The following ETFDH variants were observed in gnomAD, a reference collection of about 807,000 sequenced individuals.
ETFDH encodes electron transfer flavoprotein-ubiquinone oxidoreductase, mitochondrial.
ETFDH carries 61 observed loss-of-function variants against 73.2 expected under a neutral mutation model. The ratio of observed to expected loss-of-function variants is 0.83; its 90% CI spans 0.68 to 1.03. The LOEUF (loss-of-function observed/expected upper bound fraction) is 1.03, where lower values mean the gene tolerates loss of function less well. Among genes scored for constraint, ETFDH ranks in the 50% least tolerant of loss-of-function variants. The probability of loss-of-function intolerance (pLI) is 0.00; values close to 1 mark genes in which losing one functional copy is unlikely to be tolerated. For synonymous variants in ETFDH, 243 were observed against 253.3 expected, an observed-to-expected ratio of 0.96 and a Z score of 0.39; for missense variants, 685 against 745.0, an observed-to-expected ratio of 0.92 and a Z score of 0.94.
At chr4:158,683,270 T>C (rs1773910545) in intron 3 of ETFDH, among the ~76,000 whole-genome samples, 1 of 152,200 alleles carries the variant, frequency 6.6e-6, no homozygotes, top group Non-Finnish European at 1.5e-5. Flanking sequence ...AATTTTTTCT[T>C]CTCTAAGATG....
chr4:158,687,106 C>T (rs953076527), intron 5 of ETFDH, among the ~76,000 whole-genome samples: 4 of 152,114 alleles, frequency 2.6e-5, no homozygotes, highest in African/African-American at 7.2e-5. Context: ...CTTGAGCCTG[C>T]AGAGGAAACA....
chr4:158,680,213 G>A (rs1335107652), intron 1 of ETFDH: 6 of 382,448 alleles, frequency 1.6e-5, no homozygotes, highest in Admixed American at 7.6e-5. Context: ...TACTCTCAAA[G>A]TGTTCAGCTT....
In ETFDH at chr4:158,682,357, C is replaced by T. The variant is rs1303346020; in HGVS notation, c.338C>T (p.Thr113Ile). Reference protein sequence around the residue: ...VEKAAQIGAHTLSGACLDPGA... With the variant: ...VEKAAQIGAHILSGACLDPGA... ...AAAGCTGCCCAGATAGGAGCTCATACTCTCTCAGGGGCTTGCCTTGATCCA... is the reference window on the plus strand; with the variant it reads ...AAAGCTGCCCAGATAGGAGCTCATATTCTCTCAGGGGCTTGCCTTGATCCA... Residue 113 changes from threonine to isoleucine, a missense_variant, in exon 3 of 13, where the codon ACT becomes ATT. Physicochemically the swap from Thr to Ile is moderately conservative, Grantham distance 89. Transcript: ENST00000511912. 3 of 1,614,126 alleles carry T rather than the reference C, an allele frequency of 1.9e-6. No homozygotes were observed. Among genetic ancestry groups the T allele is most frequent in the East Asian group, 2.2e-5 (1 of 44,880 alleles).
chr4:158,687,296 G>A (rs1285137710), intron 5 of ETFDH, among the ~76,000 whole-genome samples: 1 of 152,108 alleles, frequency 6.6e-6, no homozygotes, highest in Non-Finnish European at 1.5e-5. Flanking sequence ...CTGTGCTTTG[G>A]GAGAGACAGA....
chr4:158,681,958 A>G lies in ETFDH; in HGVS notation c.176-237A>G, dbSNP rs62351198. 11,866 of 538,576 alleles carry G rather than the reference A, an allele frequency of 0.022. 181 individuals are homozygous for G. The highest frequency in any genetic ancestry group is 0.028 in the Non-Finnish European group (8,583 of 307,048). The allele number at this position is 538,576 out of a possible 1,614,324, so 33.4% of individuals were successfully genotyped here. ...AGTAAATATTTGCTAAATGTATAAT[A>G]ATAAATCTCAAAGCCAAGAATTAGT... On this transcript the variant is annotated intron_variant, in intron 2 of 12. Coordinates refer to ENST00000511912, the MANE Select transcript of ETFDH (RefSeq NM_004453.4).
At chr4:158,674,407 G>C (rs1773663275) in intron 1 of ETFDH, among the ~76,000 whole-genome samples, 1 of 152,148 alleles carries the variant, frequency 6.6e-6, no homozygotes, top group Non-Finnish European at 1.5e-5. Context: ...CCGGGTTCAA[G>C]TGATTCTCGT....
At chr4:158,677,925 A>C (rs1306501853) in intron 1 of ETFDH, among the ~76,000 whole-genome samples, 1 of 152,144 alleles carries the variant, frequency 6.6e-6, no homozygotes, top group East Asian at 1.9e-4. Context: ...AAAGATTTAC[A>C]CTCATGTCTT....
At chr4:158,695,891 A>C (rs1326826848) in intron 7 of ETFDH, among the ~76,000 whole-genome samples, 1 of 152,174 alleles carries the variant, frequency 6.6e-6, no homozygotes, top group Non-Finnish European at 1.5e-5. Context: ...CTTGAAGTGA[A>C]TCTTGAACTT....
At chr4:158,700,429 A>G (rs1301264272) in intron 9 of ETFDH, among the ~76,000 whole-genome samples, 3 of 152,160 alleles carry the variant, frequency 2.0e-5, no homozygotes, top group Non-Finnish European at 2.9e-5. Context: ...TCTAATTTAT[A>G]AAGGTTTCAG....
intron 2 of ETFDH, 150 bp from the exon 3 acceptor site, chr4:158,682,045 C>A: frequency 1.0e-6 from 1 of 972,814 alleles, no homozygotes; most frequent in Non-Finnish European, 1.6e-6. Flanking sequence ...CATACTAATA[C>A]AGTAATATGC....
chr4:158,690,276 G>T, intron 5 of ETFDH, 72 bp from the exon 6 acceptor site: 1 of 840,458 alleles, frequency 1.2e-6, no homozygotes, highest in African/African-American at 1.7e-5. Context: ...GAAACCTAAG[G>T]CTGTTTACTG....
In ETFDH at chr4:158,697,526, C is replaced by G. The variant is rs986001694; in HGVS notation, c.832-33C>G. On this transcript the variant is annotated intron_variant, in intron 7 of 12. Coordinates refer to ENST00000511912, the MANE Select transcript of ETFDH (RefSeq NM_004453.4). ...ACATAAAAACATTTTTAAAATACTG[C>G]AGGACTTTTTTGTTTGCTTTTTTTT... 6.9e-6 allele frequency: 11 copies of G among 1,589,956 alleles called. No individual in the cohort carries two copies. The African/African-American group carries it at 1.4e-4, about 20-fold the overall frequency.
Position 158,690,336 on chromosome 4 carries a change from T to A in ETFDH, c.607-12T>A. On this transcript the variant is annotated splice_polypyrimidine_tract_variant and intron_variant, in intron 5 of 12. Transcript: ENST00000511912. ...CTAAGGTATTAATAAATTTGTTTTT[T>A]ATCATTTTTAGGTCCTTTTTCATGA... 6.6e-7 allele frequency: 1 copy of A among 1,512,286 alleles called. No individual in the cohort carries two copies. Among genetic ancestry groups the A allele is most frequent in the Non-Finnish European group, 9.2e-7 (1 of 1,087,112 alleles). The allele number at this position is 1,512,286 out of a possible 1,614,324, so 93.7% of individuals were successfully genotyped here.
intron 6 of ETFDH, among the ~76,000 whole-genome samples, chr4:158,694,389 TC>T (rs1212377311): frequency 6.6e-6 from 1 of 152,104 alleles, no homozygotes; most frequent in Non-Finnish European, 1.5e-5. Flanking sequence ...GGTCAGGAGT[TC>T]GAGACCAGCC....
intron 12 of ETFDH, among the ~76,000 whole-genome samples, chr4:158,707,421 T>C (rs1774656960): frequency 6.6e-6 from 1 of 152,216 alleles, no homozygotes; most frequent in South Asian, 2.1e-4. Context: ...GAAAACTCCC[T>C]GAGGTTAAAT....
intron 7 of ETFDH, among the ~76,000 whole-genome samples, chr4:158,695,929 A>G (rs1328802043): frequency 6.6e-6 from 1 of 152,136 alleles, no homozygotes; most frequent in African/African-American, 2.4e-5. Context: ...TTTTATTTTC[A>G]TTGTAATGCC....
At chr4:158,673,348 T>C (rs1368734079) in intron 1 of ETFDH, among the ~76,000 whole-genome samples, 4 of 152,228 alleles carry the variant, frequency 2.6e-5, no homozygotes, top group East Asian at 1.9e-4. Context: ...TATCGTGTTA[T>C]GGGTATTCTG....
At chr4:158,708,285 T>C in intron 12 of ETFDH, 79 bp from the exon 13 acceptor site, 1 of 1,086,118 alleles carries the variant, frequency 9.2e-7, no homozygotes, top group South Asian at 1.4e-5. Context: ...CTGTGGCTAC[T>C]CTTTCCTTAA....
chr4:158,706,522 C>A, intron 11 of ETFDH, 107 bp from the exon 12 acceptor site: 2 of 1,110,114 alleles, frequency 1.8e-6, no homozygotes, highest in South Asian at 1.2e-5. Context: ...GAGGGCTAGT[C>A]ATATTTCTTT....
Sources: gnomAD v4.1 joint callset for allele counts (sites outside exome capture counted in the v4.1 genomes callset) on GRCh38, gnomAD v4.1.1 for gene constraint, MANE v1.5 for transcripts, NCBI Gene and HGNC (gene_info 2026-07-23, HGNC 2026-07-21) for gene names.